MND1: variants seen among roughly 807,000 people sequenced by gnomAD.
MND1 encodes meiotic nuclear divisions 1, also known as meiotic nuclear division protein 1 homolog.
MND1 carries 28 observed loss-of-function variants against 35.1 expected under a neutral mutation model. The ratio of observed to expected loss-of-function variants is 0.80; its 90% CI spans 0.59 to 1.09. MND1 has a LOEUF of 1.09. Ranked by LOEUF, MND1 falls within the 50% of genes least tolerant of loss-of-function variation. MND1 has a pLI of 0.00. For synonymous variants in MND1, 69 were observed against 70.5 expected, an observed-to-expected ratio of 0.98 and a Z score of 0.11; for missense variants, 213 against 239.6, an observed-to-expected ratio of 0.89 and a Z score of 0.73.
At chr4:153,345,162 G>C (rs1041227144) in intron 1 of MND1, among the ~76,000 whole-genome samples, 38 of 152,016 alleles carry the variant, frequency 2.5e-4, no homozygotes, top group African/African-American at 8.5e-4. Context: ...GCGTGGTGTA[G>C]CCCCCCCCAT....
At chr4:153,375,567 G>A (rs1427991473) in intron 4 of MND1, among the ~76,000 whole-genome samples, 1 of 152,008 alleles carries the variant, frequency 6.6e-6, no homozygotes, top group Non-Finnish European at 1.5e-5. Flanking sequence ...ATAGTAATGG[G>A]AAAATAAGGT....
rs947272042 is a variant in MND1, at chr4:153,347,680, G to T, written c.4-2384G>T. Among the ~76,000 whole-genome samples the T allele has an allele frequency of 9.2e-5, 14 of 152,346 alleles. No individual in the cohort carries two copies. In the South Asian group the frequency reaches 2.9e-3, roughly 32 times the overall value. Reference sequence around the variant, plus strand: ...ATGCTTAGCCTGTGAACTCAGGGAAGTTCTGGAGGGAGAGTGCCTAAACTA... The same window carrying T: ...ATGCTTAGCCTGTGAACTCAGGGAATTTCTGGAGGGAGAGTGCCTAAACTA... On this transcript the variant is annotated intron_variant, in intron 1 of 7. Coordinates refer to ENST00000240488, the MANE Select transcript of MND1 (RefSeq NM_032117.4).
intron 4 of MND1, among the ~76,000 whole-genome samples, chr4:153,370,819 A>G (rs1773772931): frequency 6.6e-6 from 1 of 151,976 alleles, no homozygotes; most frequent in African/African-American, 2.4e-5. Context: ...ATGCCTGGCC[A>G]CAGATATTCT....
At chr4:153,390,889 A>ATATGTGTGTG (rs757236550) in intron 4 of MND1, among the ~76,000 whole-genome samples, 9,964 of 139,534 alleles carry the variant, frequency 0.071, 460 homozygotes, top group African/African-American at 0.13. Flanking sequence ...AGGTATATAT[A>ATATGTGTGTG]TGTGTGTGTG....
intron 4 of MND1, among the ~76,000 whole-genome samples, chr4:153,362,135 T>C (rs1228826927): frequency 6.6e-6 from 1 of 152,254 alleles, no homozygotes; most frequent in Admixed American, 6.5e-5. Flanking sequence ...TTTGGTCCTT[T>C]TTCAGTTCTG....
At chr4:153,393,919 G>GTTTT (rs1360869360) in intron 4 of MND1, among the ~76,000 whole-genome samples, 67 of 55,464 alleles carry the variant, frequency 1.2e-3, no homozygotes, top group Non-Finnish European at 1.7e-3. Context: ...GTTTGACTTT[G>GTTTT]TTTTCTTTTT....
chr4:153,402,208 C>A (rs1420843333), intron 6 of MND1, among the ~76,000 whole-genome samples: 1 of 152,136 alleles, frequency 6.6e-6, no homozygotes, highest in Non-Finnish European at 1.5e-5. Flanking sequence ...TTAAAAGCAA[C>A]AATTCTTTAA....
intron 7 of MND1, among the ~76,000 whole-genome samples, chr4:153,410,850 G>A (rs1446085320): frequency 2.0e-5 from 3 of 152,124 alleles, no homozygotes; most frequent in Non-Finnish European, 4.4e-5. Flanking sequence ...AATTAGCCAG[G>A]CATGGTGGCG....
chr4:153,353,314 A>G (rs1380267569), intron 2 of MND1, among the ~76,000 whole-genome samples: 1 of 149,726 alleles, frequency 6.7e-6, no homozygotes, highest in East Asian at 2.0e-4. Flanking sequence ...AAAATTTTCA[A>G]ACATACAGCA....
chr4:153,409,083 C>A, intron 7 of MND1, 68 bp downstream of exon 7: 1 of 911,016 alleles, frequency 1.1e-6, no homozygotes, highest in South Asian at 3.0e-5. Context: ...ACGTGAAATT[C>A]AGATACCTTG....
At chr4:153,369,235 G>C (rs1041514410) in intron 4 of MND1, among the ~76,000 whole-genome samples, 4 of 152,174 alleles carry the variant, frequency 2.6e-5, no homozygotes, top group African/African-American at 9.7e-5. Context: ...TTCTCTCAAA[G>C]CAAGCTCATG....
rs893264692 is a variant in MND1, at chr4:153,399,834, A to G, written c.466+2501A>G. The stretch of plus-strand genomic sequence containing the variant: ...TGTGAATGAGTATTATGAGTATTAC[A>G]GTATATGAGGTCTCACTGAGAGAAC... On this transcript the variant is annotated intron_variant, in intron 6 of 7. Transcript: ENST00000240488. 1.3e-4 allele frequency among the ~76,000 whole-genome samples: 19 copies of G among 151,668 alleles called. No individual in the cohort carries two copies. The South Asian group carries it at 4.0e-3, about 32-fold the overall frequency.
intron 7 of MND1, among the ~76,000 whole-genome samples, chr4:153,414,017 C>G (rs910273060): frequency 2.6e-5 from 4 of 152,168 alleles, no homozygotes; most frequent in African/African-American, 9.7e-5. Context: ...TCCCCACCCC[C>G]TCTCCCTAGT....
intron 1 of MND1, among the ~76,000 whole-genome samples, chr4:153,347,587 C>T (rs1302255878): frequency 6.6e-6 from 1 of 152,178 alleles, no homozygotes; most frequent in African/African-American, 2.4e-5. Flanking sequence ...TTTCAGTGTG[C>T]TGATACGGAC....
At chr4:153,352,018 C>T (rs1260434548) in intron 2 of MND1, among the ~76,000 whole-genome samples, 1 of 149,988 alleles carries the variant, frequency 6.7e-6, no homozygotes, top group East Asian at 1.9e-4. Flanking sequence ...AGTGGGCTGT[C>T]TGTGAGGTTT....
At chr4:153,366,519 A>G (rs755299667) in intron 4 of MND1, among the ~76,000 whole-genome samples, 2 of 152,232 alleles carry the variant, frequency 1.3e-5, no homozygotes, top group African/African-American at 2.4e-5. Flanking sequence ...TAGACAATTA[A>G]ATATATGAAT....
intron 4 of MND1, among the ~76,000 whole-genome samples, chr4:153,386,897 C>T (rs1281103264): frequency 6.6e-6 from 1 of 152,046 alleles, no homozygotes; most frequent in Admixed American, 6.6e-5. Context: ...AAGAAGGATG[C>T]ACACTGGGCT....
intron 2 of MND1, among the ~76,000 whole-genome samples, chr4:153,353,773 G>A (rs1416538636): frequency 2.0e-5 from 3 of 151,930 alleles, no homozygotes; most frequent in Admixed American, 6.6e-5. Flanking sequence ...AGGCTGGAGT[G>A]CAGTGGTGTG....
chr4:153,384,257 G>GT (rs1728786787), intron 4 of MND1, among the ~76,000 whole-genome samples: 1 of 74,242 alleles, frequency 1.3e-5, no homozygotes, highest in Non-Finnish European at 2.7e-5. Flanking sequence ...TCTACTTTCT[G>GT]CTTTTTTTTT....
Sources: allele counts gnomAD v4.1 joint callset (sites outside exome capture counted in the v4.1 genomes callset), GRCh38; gene constraint gnomAD v4.1.1; transcripts MANE v1.5; gene names NCBI Gene and HGNC (gene_info 2026-07-23, HGNC 2026-07-21).